Variants in MYO19 observed in about 807,000 individuals in gnomAD.
The protein encoded by MYO19 is myosin XIX.
A neutral mutation model predicts 129.2 loss-of-function variants in MYO19; 132 were observed. That is an observed-to-expected ratio of 1.02 (90% CI 0.89 to 1.18). MYO19 has a LOEUF of 1.18. Ranked by LOEUF, MYO19 falls within the 50% of genes most tolerant of loss-of-function variation. The probability of loss-of-function intolerance (pLI) is 0.00; values close to 1 mark genes in which losing one functional copy is unlikely to be tolerated. For synonymous variants in MYO19, 531 were observed against 477.2 expected, an observed-to-expected ratio of 1.11 and a Z score of -1.47; for missense variants, 1,210 against 1,216.7, an observed-to-expected ratio of 0.99 and a Z score of 0.08.
In MYO19 at chr17:36,509,084, G is replaced by A. The variant is rs372581816; in HGVS notation, c.1209C>T (p.Thr403=). The A allele has an allele frequency of 5.5e-5, 88 of 1,613,662 alleles. No individual in the cohort carries two copies. The highest frequency in any genetic ancestry group is 3.8e-4 in the Admixed American group (23 of 59,974). Residue 403 remains threonine, a synonymous_variant, in exon 14 of 26, where the codon ACC becomes ACT. Transcript: ENST00000614623. ...SVINSSICAD[T]DSWTTFIGLL... The stretch of plus-strand genomic sequence containing the variant: ...TACCTATGAAAGTGGTCCACGAGTC[G>A]GTGTCTGCACAGATGCTGCTGTTGA...
At chr17:36,503,862 C>A in intron 20 of MYO19, 88 bp downstream of exon 20, 1 of 1,120,006 alleles carries the variant, frequency 8.9e-7, no homozygotes, top group Non-Finnish European at 1.2e-6. Flanking sequence ...CCACATCTCA[C>A]TCTGGGTTGG....
chr17:36,509,140 T>TG lies in MYO19; in HGVS notation c.1158-6dup. On this transcript the variant is annotated splice_region_variant and splice_polypyrimidine_tract_variant and intron_variant, in intron 13 of 25. Coordinates refer to ENST00000614623, the MANE Select transcript of MYO19 (RefSeq NM_001163735.2). Reference sequence around the variant, plus strand: ...GATACCAGCCAGTCAAACAACCTGTTGGGGGAAGAGAGTGGACTCTGGTAA... The same window carrying TG: ...GATACCAGCCAGTCAAACAACCTGTTGGGGGGAAGAGAGTGGACTCTGGTAA... 6.2e-7 allele frequency: 1 copy of TG among 1,613,580 alleles called. No individual in the cohort carries two copies. Among genetic ancestry groups the TG allele is most frequent in the Non-Finnish European group, 8.5e-7 (1 of 1,179,738 alleles).
chr17:36,510,618 G>A, intron 13 of MYO19, 128 bp downstream of exon 13: 1 of 1,034,834 alleles, frequency 9.7e-7, no homozygotes, highest in Non-Finnish European at 1.4e-6. Context: ...GGAGCAGGGA[G>A]AGGAACCAGT....
rs1226617080 is a variant in MYO19, at chr17:36,528,139, C to A, written c.76G>T (p.Glu26Ter). The change falls in exon 4 of 26, where the codon GAG becomes TAG. Residue 26 changes from glutamate (E) to a stop codon, truncating the protein, a stop_gained. Transcript: ENST00000614623. LOFTEE classifies it high-confidence loss of function. The stretch of plus-strand genomic sequence containing the variant: ...AGCAGGACCTCCCCACCCAGGAACT[C>A]CTGCAGGTCTTCTCTGAGGTACTCC... ...AREYLREDLQ[E>*]FLGGEVLLYK... The A allele has an allele frequency of 1.2e-6, 2 of 1,612,766 alleles. No individual in the cohort carries two copies. The highest frequency in any genetic ancestry group is 1.7e-6 in the Non-Finnish European group (2 of 1,179,398).
chr17:36,504,326 A>G, intron 19 of MYO19: 2 of 362,404 alleles, frequency 5.5e-6, no homozygotes, highest in South Asian at 1.4e-4. Context: ...TCACTACCAC[A>G]CAACCCAGCC....
chr17:36,536,963 C>T, upstream of MYO19: 1 of 699,910 alleles, frequency 1.4e-6, no homozygotes, highest in Non-Finnish European at 2.4e-6. Context: ...AATCACAAAT[C>T]CTAGGTGAAC....
rs181823436 is a variant in MYO19, at chr17:36,513,901, T to C, written c.721-176A>G. ...GCAAAAGATGCCGTAAACATAGCCC[T>C]GGATGTCTCCAACCTGATGCAAAAG... On this transcript the variant is annotated intron_variant, in intron 9 of 25. Coordinates refer to ENST00000614623, the MANE Select transcript of MYO19 (RefSeq NM_001163735.2). Among the ~76,000 whole-genome samples the C allele has an allele frequency of 2.6e-3, 394 of 152,354 alleles. 1 individual carries two copies. The highest frequency in any genetic ancestry group is 9.0e-3 in the African/African-American group (376 of 41,584).
chr17:36,533,265 CAG>C (rs1222332773), intron 2 of MYO19: 1 of 152,494 alleles, frequency 6.6e-6, no homozygotes, highest in East Asian at 1.9e-4. Context: ...AGTATTCACT[CAG>C]AGGATAAACA....
At chr17:36,542,698 CA>C (rs71159613) in intron 1 of MYO19, among the ~76,000 whole-genome samples, 49,193 of 127,530 alleles carry the variant, frequency 0.39, 9,845 homozygotes, top group East Asian at 0.51. Flanking sequence ...GACTCCGTCT[CA>C]AAAAAAAAAA....
At chr17:36,538,051 T>C (rs1381821531), upstream of MYO19, 2 of 1,614,182 alleles carry the variant, frequency 1.2e-6, no homozygotes, top group South Asian at 1.1e-5. Context: ...GCAATACACA[T>C]GGCTGGTGTG....
chr17:36,527,871 T>C (rs552899339), intron 4 of MYO19, among the ~76,000 whole-genome samples, 172 bp from the exon 5 acceptor site: 19 of 152,326 alleles, frequency 1.2e-4, no homozygotes, highest in Non-Finnish European at 2.6e-4. Flanking sequence ...GCTCCAAATC[T>C]GAAGCAAAGC....
chr17:36,496,451 G>A (rs1567722019), intron 25 of MYO19, 45 bp from the exon 26 acceptor site: 1 of 1,600,050 alleles, frequency 6.2e-7, no homozygotes, highest in Non-Finnish European at 8.6e-7. Context: ...GTTCCTGGGA[G>A]TGCCAGGGCC....
At chr17:36,522,645 A>G (rs1273728667) in intron 6 of MYO19, among the ~76,000 whole-genome samples, 1 of 151,942 alleles carries the variant, frequency 6.6e-6, no homozygotes, top group Non-Finnish European at 1.5e-5. Flanking sequence ...CAACGCGGGA[A>G]GATCACTTGA....
chr17:36,515,783 T>G lies in MYO19; in HGVS notation c.547+75A>C, dbSNP rs538571545. 5.9e-6 allele frequency: 9 copies of G among 1,516,278 alleles called. No homozygotes were observed. The South Asian group carries it at 1.0e-4, about 17-fold the overall frequency. 93.9% of individuals were successfully genotyped at this position (1,516,278 alleles called of 1,614,324 possible). On this transcript the variant is annotated intron_variant, in intron 7 of 25. Transcript: ENST00000614623. The stretch of plus-strand genomic sequence containing the variant: ...CACCCAAGAGAGGGTCTCAAAGCAC[T>G]GTCCCTCTCCCTGGAAGGTGGAAAA...
In MYO19 at chr17:36,505,369, GC is replaced by G; in HGVS notation, c.1832del (p.Ser611ThrfsTer27). 6.2e-7 allele frequency: 1 copy of G among 1,614,228 alleles called. No homozygotes were observed. The highest frequency in any genetic ancestry group is 8.5e-7 in the Non-Finnish European group (1 of 1,180,034). On this transcript the variant is annotated frameshift_variant, in exon 19 of 26. Coordinates refer to ENST00000614623, the MANE Select transcript of MYO19 (RefSeq NM_001163735.2). LOFTEE classifies it high-confidence loss of function. ...SLEQLLQVLH[S>X]TTPHYIRCIK... is the part of the protein sequence containing the mutation. ...TGCAGCGAATGTAGTGGGGCGTGGT[GC>G]TGTGTAGGACCTGCAGAAGCTGCTC...
chr17:36,517,867 T>C (rs1044440111), intron 6 of MYO19, among the ~76,000 whole-genome samples: 8 of 151,786 alleles, frequency 5.3e-5, no homozygotes, highest in African/African-American at 1.4e-4. Flanking sequence ...GGTGGGTGGA[T>C]TGCCTGAGTT....
Position 36,514,950 on chromosome 17 carries a change from AG to A in MYO19, c.617+162del, listed in dbSNP as rs2072637482. On this transcript the variant is annotated intron_variant, in intron 8 of 25. Coordinates refer to ENST00000614623, the MANE Select transcript of MYO19 (RefSeq NM_001163735.2). ...AAGGGGAGAGGAGCTATAGTTCTCC[AG>A]GTGCAAAGATCACCCTCAGAGCTCA... Among the ~76,000 whole-genome samples, 7 of 152,300 alleles carry A rather than the reference AG, an allele frequency of 4.6e-5. 1 individual carries two copies. In the South Asian group the frequency reaches 1.4e-3, roughly 32 times the overall value.
chr17:36,538,059 G>T, upstream of MYO19: 1 of 1,614,144 alleles, frequency 6.2e-7, no homozygotes, highest in East Asian at 2.2e-5. Context: ...CATGGCTGGT[G>T]TGCAAACAGG....
intron 6 of MYO19, among the ~76,000 whole-genome samples, chr17:36,523,382 G>T (rs963727761): frequency 5.3e-5 from 8 of 152,078 alleles, no homozygotes; most frequent in Non-Finnish European, 1.0e-4. Context: ...TCTAGGAAGG[G>T]TATCTCCAAT....
Sources: gnomAD v4.1 joint callset for allele counts (sites outside exome capture counted in the v4.1 genomes callset) on GRCh38, gnomAD v4.1.1 for gene constraint, MANE v1.5 for transcripts, NCBI Gene and HGNC (gene_info 2026-07-23, HGNC 2026-07-21) for gene names.